The following PPP1R12A variants were observed in gnomAD, a reference collection of about 807,000 sequenced individuals.
PPP1R12A encodes the protein myosin binding subunit.
A neutral mutation model predicts 139.6 loss-of-function variants in PPP1R12A; 19 were observed. That is an observed-to-expected ratio of 0.14 (90% CI 0.09 to 0.20). The LOEUF (loss-of-function observed/expected upper bound fraction) is 0.20, where lower values mean the gene tolerates loss of function less well. PPP1R12A is among the 10% of genes least tolerant of loss of function. The pLI, the probability that PPP1R12A is intolerant of heterozygous loss-of-function variation, is 1.00. For missense variants in PPP1R12A, 925 were observed against 1,211.5 expected (o/e 0.76, Z 3.51); for synonymous variants, 427 against 420.6 (o/e 1.02, Z -0.19).
At chr12:79,822,043 TACTTTTG>T (rs1876180389) in intron 6 of PPP1R12A, 66 bp downstream of exon 6, 2 of 1,074,388 alleles carry the variant, frequency 1.9e-6, no homozygotes, top group East Asian at 5.4e-5. Context: ...ATCACAAGAA[TACTTTTG>T]TAATTGTCTC....
At chr12:79,935,180 G>A, upstream of PPP1R12A, 2 of 1,334,958 alleles carry the variant, frequency 1.5e-6, no homozygotes, top group African/African-American at 3.0e-5. Context: ...GTCACCGGCG[G>A]CCAATCTAAC....
At position 79,850,872 on chromosome 12, in the gene PPP1R12A, A is replaced by G. The variant is rs148385794; in HGVS notation, c.369-5452T>C. Among the ~76,000 whole-genome samples, 363 of 152,178 alleles carry G rather than the reference A, an allele frequency of 2.4e-3. 2 individuals carry two copies. Among genetic ancestry groups the G allele is most frequent in the Middle Eastern group, 0.01 (3 of 294 alleles). ...TTGCTGGCCATACAAAGATGTGCACACTTCCCCTTTGCCTTCTGCCATAAT... is the reference window on the plus strand; with the variant it reads ...TTGCTGGCCATACAAAGATGTGCACGCTTCCCCTTTGCCTTCTGCCATAAT... On this transcript the variant is annotated intron_variant, in intron 2 of 24. Coordinates refer to ENST00000450142, the MANE Select transcript of PPP1R12A (RefSeq NM_002480.3).
intron 1 of PPP1R12A, among the ~76,000 whole-genome samples, chr12:79,932,387 A>T (rs1433334642): frequency 2.0e-5 from 3 of 152,190 alleles, no homozygotes; most frequent in Non-Finnish European, 2.9e-5. Context: ...AAAAAAGTAC[A>T]AGAGTTGATA....
intron 22 of PPP1R12A, among the ~76,000 whole-genome samples, chr12:79,785,481 G>A (rs568543220): frequency 1.3e-5 from 2 of 152,010 alleles, no homozygotes; most frequent in Non-Finnish European, 2.9e-5. Context: ...AGAAAAAGAT[G>A]AGTGTAAAGA....
intron 1 of PPP1R12A, among the ~76,000 whole-genome samples, chr12:79,897,516 C>A (rs1287427600): frequency 6.6e-6 from 1 of 151,716 alleles, no homozygotes; most frequent in Non-Finnish European, 1.5e-5. Flanking sequence ...CCCTCTAAAT[C>A]TAAAATAAAA....
At chr12:79,894,009 T>G (rs1197062874) in intron 1 of PPP1R12A, among the ~76,000 whole-genome samples, 2 of 152,192 alleles carry the variant, frequency 1.3e-5, no homozygotes, top group African/African-American at 4.8e-5. Flanking sequence ...GGCAGAAAGA[T>G]TCCAAGGAAG....
chr12:79,780,838 C>T (rs1314956358), intron 23 of PPP1R12A: 1 of 151,868 alleles, frequency 6.6e-6, no homozygotes, highest in Non-Finnish European at 1.5e-5. Flanking sequence ...TTGCAGAAAG[C>T]ATAATAAAAT....
intron 24 of PPP1R12A, 87 bp downstream of exon 24, chr12:79,778,463 C>T (rs1455128963): frequency 3.3e-6 from 3 of 915,114 alleles, no homozygotes; most frequent in African/African-American, 1.7e-5. Context: ...GCTTTGAGAA[C>T]AATTAATGTA....
intron 1 of PPP1R12A, among the ~76,000 whole-genome samples, chr12:79,922,337 T>A (rs1182299653): frequency 6.6e-6 from 1 of 152,184 alleles, no homozygotes; most frequent in Non-Finnish European, 1.5e-5. Context: ...CATTATCGCA[T>A]CAATTTAACA....
intron 9 of PPP1R12A, among the ~76,000 whole-genome samples, 151 bp downstream of exon 9, chr12:79,817,239 CTCAT>C (rs1875518468): frequency 6.6e-6 from 1 of 152,082 alleles, no homozygotes; most frequent in Non-Finnish European, 1.5e-5. Context: ...CAGAAGAAAT[CTCAT>C]TCAACTGAGA....
chr12:79,933,762 C>T (rs1279475329), intron 1 of PPP1R12A, among the ~76,000 whole-genome samples: 1 of 152,208 alleles, frequency 6.6e-6, no homozygotes, highest in East Asian at 1.9e-4. Flanking sequence ...ATTTGGCTAA[C>T]ATTGAGAGAT....
chr12:79,919,538 G>A (rs1354460375), intron 1 of PPP1R12A, among the ~76,000 whole-genome samples: 1 of 149,478 alleles, frequency 6.7e-6, no homozygotes, highest in East Asian at 2.0e-4. Context: ...CTGGGCAACA[G>A]AGTGAGACTC....
intron 2 of PPP1R12A, among the ~76,000 whole-genome samples, chr12:79,849,664 A>G (rs1879820694): frequency 6.6e-6 from 1 of 152,224 alleles, no homozygotes; most frequent in Non-Finnish European, 1.5e-5. Flanking sequence ...CCAAACTGAA[A>G]GTTAGATGAC....
chr12:79,920,456 C>T (rs1039993795), intron 1 of PPP1R12A, among the ~76,000 whole-genome samples: 1 of 152,118 alleles, frequency 6.6e-6, no homozygotes, highest in Middle Eastern at 3.2e-3. Flanking sequence ...GTGGCTATAC[C>T]ATCTTACTAT....
At chr12:79,795,494 CTTAT>C in intron 18 of PPP1R12A, 140 bp downstream of exon 18, 1 of 894,898 alleles carries the variant, frequency 1.1e-6, no homozygotes, top group East Asian at 2.8e-5. Context: ...AATAATTTTT[CTTAT>C]TTAACAACTC....
chr12:79,883,324 G>A (rs1883820036), intron 1 of PPP1R12A, among the ~76,000 whole-genome samples: 2 of 152,000 alleles, frequency 1.3e-5, no homozygotes, highest in East Asian at 3.9e-4. Flanking sequence ...CTACGGTATA[G>A]CATAAACACA....
intron 5 of PPP1R12A, chr12:79,824,889 C>T (rs1014376229): frequency 6.6e-6 from 1 of 152,108 alleles, no homozygotes; most frequent in African/African-American, 2.4e-5. Context: ...CAGTCCAATA[C>T]GTCTATTAAG....
chr12:79,806,306 A>G lies in PPP1R12A; in HGVS notation c.1683T>C (p.Asp561=), dbSNP rs775320944. 3.7e-6 allele frequency: 6 copies of G among 1,613,766 alleles called. No individual in the cohort carries two copies. Among genetic ancestry groups the G allele is most frequent in the Non-Finnish European group, 4.2e-6 (5 of 1,179,736 alleles). ...KSCSFGRRQD[D]LISSSVPSTT... The stretch of plus-strand genomic sequence containing the variant: ...TGCTTGGAACACTAGAACTAATCAA[A>G]TCATCTTGTCTTCTACCAAAGGAGC... The change falls in exon 13 of 25, where the codon GAT becomes GAC. Residue 561 remains aspartate, a synonymous_variant. Coordinates refer to ENST00000450142, the MANE Select transcript of PPP1R12A (RefSeq NM_002480.3).
chr12:79,859,134 G>A (rs1298008530), intron 2 of PPP1R12A, among the ~76,000 whole-genome samples: 1 of 152,010 alleles, frequency 6.6e-6, no homozygotes, highest in African/African-American at 2.4e-5. Context: ...AGGAGATTGA[G>A]ACCATCCTGG....
Sources: gnomAD v4.1 joint callset for allele counts (sites outside exome capture counted in the v4.1 genomes callset) on GRCh38, gnomAD v4.1.1 for gene constraint, MANE v1.5 for transcripts, NCBI Gene and HGNC (gene_info 2026-07-23, HGNC 2026-07-21) for gene names.